Variants in VPS13B observed in about 807,000 individuals in gnomAD.
VPS13B encodes the protein vacuolar protein sorting 13 homolog B, also known as intermembrane lipid transfer protein VPS13B.
A neutral mutation model predicts 426.4 loss-of-function variants in VPS13B; 285 were observed. The observed-to-expected ratio is 0.67, with a 90% CI of 0.61 to 0.74. VPS13B has a LOEUF of 0.74. Among genes scored for constraint, VPS13B ranks in the 30% least tolerant of loss-of-function variants. The pLI is 0.00. For missense variants in VPS13B, 4,537 were observed against 4,782.6 expected, an observed-to-expected ratio of 0.95 and a Z score of 1.51; for synonymous variants, 1,676 against 1,676.4, an observed-to-expected ratio of 1.00 and a Z score of 0.01.
chr8:99,773,072 TTCA>T (rs1357227456), intron 40 of VPS13B, among the ~76,000 whole-genome samples: 1 of 152,212 alleles, frequency 6.6e-6, no homozygotes, highest in African/African-American at 2.4e-5. Context: ...ATGGATTTTT[TTCA>T]TCATTTGTTT....
At chr8:99,369,486 G>A (rs71516833) in intron 19 of VPS13B, among the ~76,000 whole-genome samples, 348 of 152,290 alleles carry the variant, frequency 2.3e-3, no homozygotes, top group Middle Eastern at 6.8e-3. Flanking sequence ...ACGAGTCTGG[G>A]TTCTGTCAGG....
intron 35 of VPS13B, among the ~76,000 whole-genome samples, chr8:99,664,322 T>A (rs1385199068): frequency 6.6e-6 from 1 of 152,032 alleles, no homozygotes; most frequent in Non-Finnish European, 1.5e-5. Flanking sequence ...TACTTTTTTT[T>A]TTTTTTAATC....
intron 31 of VPS13B, among the ~76,000 whole-genome samples, chr8:99,565,286 C>T (rs1027260759): frequency 1.3e-5 from 2 of 151,444 alleles, no homozygotes; most frequent in African/African-American, 4.8e-5. Flanking sequence ...ACTTCATTGT[C>T]AGAGAAATAG....
At chr8:99,590,078 G>A (rs575063321) in intron 33 of VPS13B, among the ~76,000 whole-genome samples, 19 of 152,216 alleles carry the variant, frequency 1.2e-4, no homozygotes, top group African/African-American at 4.6e-4. Context: ...GAGTGTATAA[G>A]TCCAGGAATT....
chr8:99,526,385 A>G (rs776250740), intron 30 of VPS13B, among the ~76,000 whole-genome samples: 2 of 152,192 alleles, frequency 1.3e-5, no homozygotes, highest in Non-Finnish European at 2.9e-5. Context: ...TTTATACTTA[A>G]GCAGATTACT....
intron 17 of VPS13B, among the ~76,000 whole-genome samples, chr8:99,209,297 CAAAA>C (rs1338211118): frequency 3.4e-5 from 5 of 147,186 alleles, no homozygotes; most frequent in East Asian, 2.0e-4. Context: ...AAAAACAAAA[CAAAA>C]AACAAAACCG....
chr8:99,464,091 C>T (rs1436670328), intron 23 of VPS13B, among the ~76,000 whole-genome samples: 1 of 152,056 alleles, frequency 6.6e-6, no homozygotes, highest in South Asian at 2.1e-4. Flanking sequence ...ATCTTTCTCT[C>T]GAGTGTTATA....
chr8:99,626,576 C>T (rs1219680869), intron 33 of VPS13B, among the ~76,000 whole-genome samples: 1 of 152,104 alleles, frequency 6.6e-6, no homozygotes, highest in Non-Finnish European at 1.5e-5. Flanking sequence ...TTTATATATC[C>T]ACTTTAAGTA....
intron 33 of VPS13B, among the ~76,000 whole-genome samples, chr8:99,620,058 T>C (rs1206365918): frequency 6.6e-6 from 1 of 152,032 alleles, no homozygotes; most frequent in Non-Finnish European, 1.5e-5. Context: ...TATCCCCAAA[T>C]AGTTATTATT....
At chr8:99,717,792 T>C (rs1310776319) in intron 37 of VPS13B, among the ~76,000 whole-genome samples, 1 of 152,246 alleles carries the variant, frequency 6.6e-6, no homozygotes, top group African/African-American at 2.4e-5. Flanking sequence ...TGTGGTCTTC[T>C]GTGACCGACT....
intron 19 of VPS13B, among the ~76,000 whole-genome samples, chr8:99,332,878 G>GT (rs918993128): frequency 6.6e-6 from 1 of 151,492 alleles, no homozygotes. Flanking sequence ...TGGCTCACAT[G>GT]TTTTTTTATA....
intron 15 of VPS13B, among the ~76,000 whole-genome samples, 158 bp from the exon 16 acceptor site, chr8:99,169,881 G>A (rs997334788): frequency 9.9e-5 from 15 of 152,032 alleles, no homozygotes; most frequent in Non-Finnish European, 1.8e-4. Context: ...CTGTCAAATT[G>A]TATAGAAGAA....
intron 35 of VPS13B, among the ~76,000 whole-genome samples, chr8:99,684,949 C>T (rs1170662824): frequency 6.6e-6 from 1 of 152,140 alleles, no homozygotes; most frequent in South Asian, 2.1e-4. Flanking sequence ...ATTACAGGCA[C>T]CTGCCACCAA....
chr8:99,776,967 T>C lies in VPS13B; in HGVS notation c.7429+11T>C, dbSNP rs1811770416. 1 of 1,612,950 alleles carries C rather than the reference T, an allele frequency of 6.2e-7. No individual in the cohort carries two copies. Among genetic ancestry groups the C allele is most frequent in the Non-Finnish European group, 8.5e-7 (1 of 1,178,934 alleles). ...ACCAACTAGGCACAGGTACTCTTTT[T>C]TTTAGCATCAGAATAACATCCATTT... On this transcript the variant is annotated intron_variant, in intron 41 of 61. Transcript: ENST00000357162.
rs757833793 is a variant in VPS13B, at chr8:99,641,841, A to G, written c.5251A>G (p.Ile1751Val). 30 of 1,612,696 alleles carry G rather than the reference A, an allele frequency of 1.9e-5. No homozygotes were observed. The highest frequency in any genetic ancestry group is 2.5e-5 in the Non-Finnish European group (30 of 1,179,176). Reference protein sequence around the residue: ...ISKQEQKKVDIFDGGMAETSS... With the variant: ...ISKQEQKKVDVFDGGMAETSS... ...TAAACAAGAACAGAAAAAAGTGGAT[A>G]TATTTGATGGAGGCATGGCTGAAAC... The change falls in exon 34 of 62, where the codon ATA becomes GTA. Residue 1751 changes from isoleucine (I) to valine (V), a missense_variant. By Grantham distance (29) the Ile-to-Val change is conservative. This residue lies in a region of VPS13B where 4,311 missense variants were observed against 4,474.3 expected (regional missense o/e 0.96). Transcript: ENST00000357162.
At chr8:99,665,437 T>C (rs1185524862) in intron 35 of VPS13B, among the ~76,000 whole-genome samples, 1 of 152,160 alleles carries the variant, frequency 6.6e-6, no homozygotes, top group Non-Finnish European at 1.5e-5. Context: ...TCTTCTAGGG[T>C]TTTTATGGTT....
chr8:99,314,395 A>G (rs1414687741), intron 19 of VPS13B, among the ~76,000 whole-genome samples: 2 of 152,000 alleles, frequency 1.3e-5, no homozygotes, highest in Admixed American at 6.6e-5. Context: ...TATATTCTGT[A>G]GCTATTGAAT....
At position 99,261,632 on chromosome 8, in the gene VPS13B, A is replaced by G. The variant is rs1289381062; in HGVS notation, c.2516-12566A>G. 2.6e-5 allele frequency among the ~76,000 whole-genome samples: 4 copies of G among 152,148 alleles called. No homozygotes were observed. In the East Asian group the frequency reaches 7.7e-4, roughly 29 times the overall value. On this transcript the variant is annotated intron_variant, in intron 17 of 61. Transcript: ENST00000357162. ...AAATGTATGTTTAGTTTTGTATGAA[A>G]CTATCAAACTGTCTTGCAGAGTGAC...
At chr8:99,062,124 G>C (rs7829780) in intron 3 of VPS13B, among the ~76,000 whole-genome samples, 135,598 of 152,270 alleles carry the variant, frequency 0.89, 60,892 homozygotes, top group African/African-American at 0.97. Context: ...ATATTCCCCC[G>C]AAGTTAGATC....
Sources: allele counts gnomAD v4.1 joint callset (sites outside exome capture counted in the v4.1 genomes callset), GRCh38; gene constraint gnomAD v4.1.1; regional missense constraint gnomAD v4.1.1; transcripts MANE v1.5; gene names NCBI Gene and HGNC (gene_info 2026-07-23, HGNC 2026-07-21).